Variants in MTMR7 observed in about 807,000 individuals in gnomAD.
MTMR7 encodes myotubularin related protein 7, also known as phosphatidylinositol-3-phosphate phosphatase MTMR7.
Under a neutral mutation model 81.2 loss-of-function variants are expected in MTMR7, and 76 were observed. That is an observed-to-expected ratio of 0.94 (90% confidence interval 0.78 to 1.13). The LOEUF (loss-of-function observed/expected upper bound fraction) is 1.13. MTMR7 is among the 50% of genes most tolerant of loss of function. The probability of loss-of-function intolerance (pLI) is 0.00; values close to 1 mark genes in which losing one functional copy is unlikely to be tolerated. For missense variants in MTMR7, 1,044 were observed against 820.0 expected (o/e 1.27, Z -3.34); for synonymous variants, 372 against 289.8 (o/e 1.28, Z -2.88).
chr8:17,333,485 G>A (rs1406458435), intron 6 of MTMR7, among the ~76,000 whole-genome samples: 1 of 152,148 alleles, frequency 6.6e-6, no homozygotes, highest in Non-Finnish European at 1.5e-5. Context: ...TTACGTTTAT[G>A]CTGTATCTTG....
intron 1 of MTMR7, among the ~76,000 whole-genome samples, chr8:17,377,372 T>G (rs1820621189): frequency 6.6e-6 from 1 of 152,090 alleles, no homozygotes; most frequent in Non-Finnish European, 1.5e-5. Context: ...AATTCTTATC[T>G]GTGGGTAAAC....
chr8:17,367,657 T>C (rs1002015187), intron 3 of MTMR7, among the ~76,000 whole-genome samples: 1 of 152,230 alleles, frequency 6.6e-6, no homozygotes, highest in Non-Finnish European at 1.5e-5. Context: ...TAATTTGATT[T>C]ACCTTATACC....
intron 7 of MTMR7, chr8:17,326,534 C>T (rs1199607672): frequency 1.3e-5 from 2 of 152,146 alleles, no homozygotes; most frequent in Non-Finnish European, 2.9e-5. Context: ...ATAAAAAGTG[C>T]TAGGTTAAAA....
At chr8:17,403,388 G>C (rs190383081) in intron 1 of MTMR7, among the ~76,000 whole-genome samples, 4 of 152,252 alleles carry the variant, frequency 2.6e-5, no homozygotes, top group Non-Finnish European at 5.9e-5. Flanking sequence ...GTCCACTGTA[G>C]GTGTGTGGAT....
chr8:17,319,596 C>T (rs904903831), intron 7 of MTMR7, among the ~76,000 whole-genome samples: 1 of 152,118 alleles, frequency 6.6e-6, no homozygotes, highest in African/African-American at 2.4e-5. Flanking sequence ...TACCAGGTAC[C>T]AGACACTATG....
At chr8:17,388,870 C>A (rs879780162) in intron 1 of MTMR7, among the ~76,000 whole-genome samples, 1 of 152,216 alleles carries the variant, frequency 6.6e-6, no homozygotes, top group Non-Finnish European at 1.5e-5. Context: ...ATGCCTCACT[C>A]CTCGGCTTCG....
At chr8:17,347,030 C>CA (rs1045903016) in intron 5 of MTMR7, among the ~76,000 whole-genome samples, 3 of 151,302 alleles carry the variant, frequency 2.0e-5, no homozygotes, top group Non-Finnish European at 4.4e-5. Context: ...CTCGTCTCTA[C>CA]AAAAAATGCA....
intron 6 of MTMR7, among the ~76,000 whole-genome samples, chr8:17,338,206 A>G (rs1450064342): frequency 6.6e-6 from 1 of 152,218 alleles, no homozygotes; most frequent in Non-Finnish European, 1.5e-5. Context: ...GTTTTCTTTA[A>G]TGGATCAGTG....
At chr8:17,302,342 A>G in intron 12 of MTMR7, 62 bp from the exon 13 acceptor site, 1 of 1,544,968 alleles carries the variant, frequency 6.5e-7, no homozygotes, top group Non-Finnish European at 8.7e-7. Context: ...TCACATCCTC[A>G]AGTCTTCTAA....
chr8:17,379,890 G>A (rs747752648), intron 1 of MTMR7, among the ~76,000 whole-genome samples: 67 of 152,204 alleles, frequency 4.4e-4, no homozygotes, highest in African/African-American at 9.6e-4. Context: ...TGAAGGCACC[G>A]TTTCATTGCA....
chr8:17,354,365 C>T (rs1819822771), intron 4 of MTMR7, among the ~76,000 whole-genome samples: 1 of 151,862 alleles, frequency 6.6e-6, no homozygotes, highest in East Asian at 1.9e-4. Context: ...TATTTTATTC[C>T]AAGAGAGTTA....
chr8:17,300,233 G>GAAAT lies in MTMR7; in HGVS notation c.1621-13_1621-10dup, dbSNP rs764479780. On this transcript the variant is annotated splice_polypyrimidine_tract_variant and intron_variant, in intron 13 of 13. Transcript: ENST00000180173. ...TGAATTTTTTCCAGCCTCTAAGAAA[G>GAAAT]AAATAACAATTTCAGGGGAAAAATC... 6.0e-5 allele frequency: 96 copies of GAAAT among 1,590,380 alleles called. No homozygotes were observed. The highest frequency in any genetic ancestry group is 7.9e-5 in the Non-Finnish European group (92 of 1,169,584).
chr8:17,366,834 C>T (rs1044529466), intron 3 of MTMR7, among the ~76,000 whole-genome samples: 1 of 144,278 alleles, frequency 6.9e-6, no homozygotes, highest in East Asian at 2.0e-4. Flanking sequence ...TGCAGTGAGC[C>T]GAGATCGAGC....
At chr8:17,412,795 G>A (rs957626998) in intron 1 of MTMR7, among the ~76,000 whole-genome samples, 2 of 152,168 alleles carry the variant, frequency 1.3e-5, no homozygotes, top group Admixed American at 6.5e-5. Context: ...TGGGAAGGCC[G>A]AGCCGGGTGG....
At position 17,305,971 on chromosome 8, in the gene MTMR7, C is replaced by T; in HGVS notation, c.1152-14G>A. ...AGATTGCCATATCTATAAAACAAAG[C>T]ATTAGAGACTTTTTAAGGCAGATTT... is the stretch of plus-strand genomic sequence containing the variant. On this transcript the variant is annotated splice_polypyrimidine_tract_variant and intron_variant, in intron 10 of 13. Transcript: ENST00000180173. The T allele has an allele frequency of 1.9e-6, 3 of 1,587,284 alleles. No homozygotes were observed. Among genetic ancestry groups the T allele is most frequent in the Non-Finnish European group, 2.6e-6 (3 of 1,163,484 alleles).
At chr8:17,356,283 A>G (rs1490648530) in intron 4 of MTMR7, among the ~76,000 whole-genome samples, 2 of 152,188 alleles carry the variant, frequency 1.3e-5, no homozygotes, top group Non-Finnish European at 2.9e-5. Context: ...CGGATAGAGC[A>G]AAAATTATTT....
At chr8:17,395,320 T>C (rs1258968546) in intron 1 of MTMR7, among the ~76,000 whole-genome samples, 3 of 152,224 alleles carry the variant, frequency 2.0e-5, no homozygotes. Flanking sequence ...GTTCATTTGT[T>C]GATGGACTCT....
intron 1 of MTMR7, among the ~76,000 whole-genome samples, chr8:17,393,278 A>T (rs1161320694): frequency 2.0e-5 from 3 of 152,184 alleles, no homozygotes; most frequent in Non-Finnish European, 4.4e-5. Flanking sequence ...AATTAACTCA[A>T]CATAGATCAA....
chr8:17,384,957 C>T (rs1377185027), intron 1 of MTMR7, among the ~76,000 whole-genome samples: 2 of 152,104 alleles, frequency 1.3e-5, no homozygotes, highest in Non-Finnish European at 2.9e-5. Flanking sequence ...GTAACAGAGA[C>T]TCTACCTTTC....
Sources: gnomAD v4.1 joint callset for allele counts (sites outside exome capture counted in the v4.1 genomes callset) on GRCh38, gnomAD v4.1.1 for gene constraint, MANE v1.5 for transcripts, NCBI Gene and HGNC (gene_info 2026-07-23, HGNC 2026-07-21) for gene names.